The following VPS13B variants were observed in gnomAD, a reference collection of about 807,000 sequenced individuals.
VPS13B encodes intermembrane lipid transfer protein VPS13B.
A neutral mutation model predicts 426.4 loss-of-function variants in VPS13B; 285 were observed. That is an observed-to-expected ratio of 0.67 (90% CI 0.61 to 0.74). The LOEUF is 0.74. Among genes scored for constraint, VPS13B ranks in the 30% least tolerant of loss-of-function variants. The pLI is 0.00. For synonymous variants in VPS13B, 1,676 were observed against 1,676.4 expected (o/e 1.00, Z 0.01); for missense variants, 4,537 against 4,782.6 (o/e 0.95, Z 1.51).
chr8:99,511,428 C>G lies in VPS13B; in HGVS notation c.4549C>G (p.Arg1517Gly). ...QPMRTHTLTSRNLPLIYVNTS... is the reference protein window; with the variant it reads ...QPMRTHTLTSGNLPLIYVNTS... ...CATGAGGACCCATACACTGACATCC[C>G]GCAATTTACCTTTGATTTATGTCAA... The change falls in exon 29 of 62, where the codon CGC becomes GGC. Residue 1517 changes from arginine to glycine, a missense_variant. Transcript: ENST00000357162. 1 of 1,613,284 alleles carries G rather than the reference C, an allele frequency of 6.2e-7. No individual in the cohort carries two copies. Among genetic ancestry groups the G allele is most frequent in the Middle Eastern group, 1.7e-4 (1 of 6,060 alleles).
chr8:99,540,034 TATATATATATATATATATATATATA>T lies in VPS13B; in HGVS notation c.4746-16415_4746-16391del, dbSNP rs1563784900. ...TAAATTATATATATATATATATATA[TATATATATATATATATATATATATA>T]TATATTTTTTTTTTTTTTTTTTTTT... On this transcript the variant is annotated intron_variant, in intron 30 of 61. Coordinates refer to ENST00000357162, the MANE Select transcript of VPS13B (RefSeq NM_152564.5). Among the ~76,000 whole-genome samples the T allele has an allele frequency of 4.6e-3, 17 of 3,672 alleles. 2 individuals carry two copies. Among genetic ancestry groups the T allele is most frequent in the African/African-American group, 7.5e-3 (7 of 934 alleles). 2.4% of individuals were successfully genotyped at this position (3,672 alleles called of 152,430 possible).
At chr8:99,556,757 T>C (rs778674311) in intron 31 of VPS13B, 104 bp downstream of exon 31, 8 of 1,232,756 alleles carry the variant, frequency 6.5e-6, no homozygotes, top group Non-Finnish European at 8.1e-6. Context: ...TATTTTGGTA[T>C]TGCTTCTGCT....
At chr8:99,431,169 A>G (rs1704335174) in intron 21 of VPS13B, among the ~76,000 whole-genome samples, 2 of 152,178 alleles carry the variant, frequency 1.3e-5, no homozygotes, top group Admixed American at 1.3e-4. Flanking sequence ...GATTTTATTG[A>G]TGTATTGCCT....
At chr8:99,814,764 G>T (rs1813922551) in intron 44 of VPS13B, among the ~76,000 whole-genome samples, 1 of 152,162 alleles carries the variant, frequency 6.6e-6, no homozygotes, top group Non-Finnish European at 1.5e-5. Context: ...TCAAGTGAGG[G>T]TTTTTAACAA....
chr8:99,318,651 C>T (rs1238313196), intron 19 of VPS13B, among the ~76,000 whole-genome samples: 4 of 152,096 alleles, frequency 2.6e-5, no homozygotes, highest in African/African-American at 9.7e-5. Flanking sequence ...TCCTGAATAG[C>T]TGGGACTACA....
At chr8:99,021,997 G>T (rs181877224) in intron 2 of VPS13B, among the ~76,000 whole-genome samples, 2 of 152,058 alleles carry the variant, frequency 1.3e-5, no homozygotes, top group African/African-American at 4.8e-5. Context: ...TCTGATGCTC[G>T]TAATTTGTAT....
At chr8:99,208,156 AAG>A (rs1814841056) in intron 17 of VPS13B, among the ~76,000 whole-genome samples, 1 of 152,178 alleles carries the variant, frequency 6.6e-6, no homozygotes, top group Non-Finnish European at 1.5e-5. Context: ...GTTGGAGCAA[AAG>A]AGAGAGTTGG....
chr8:99,025,265 C>T (rs1842078825), intron 2 of VPS13B, among the ~76,000 whole-genome samples: 1 of 151,990 alleles, frequency 6.6e-6, no homozygotes, highest in East Asian at 1.9e-4. Flanking sequence ...ATTTTGATCC[C>T]TGTTTCAAAA....
chr8:99,527,768 C>T (rs190551944), intron 30 of VPS13B: 21 of 152,040 alleles, frequency 1.4e-4, no homozygotes, highest in Admixed American at 4.6e-4. Context: ...TATAAACAAA[C>T]GAGATGAAAA....
intron 25 of VPS13B, among the ~76,000 whole-genome samples, chr8:99,495,710 CTTG>C (rs2133593265): frequency 6.6e-6 from 1 of 152,306 alleles, no homozygotes; most frequent in African/African-American, 2.4e-5. Flanking sequence ...CTTAAACCTA[CTTG>C]CACTTTAGAG....
chr8:99,414,235 C>T (rs966334234), intron 21 of VPS13B, among the ~76,000 whole-genome samples: 3 of 146,382 alleles, frequency 2.0e-5, no homozygotes, highest in African/African-American at 7.6e-5. Flanking sequence ...GATTGCAACC[C>T]CTGCTTTTTT....
At chr8:99,319,195 T>A (rs972856736) in intron 19 of VPS13B, among the ~76,000 whole-genome samples, 2 of 152,186 alleles carry the variant, frequency 1.3e-5, no homozygotes, top group Non-Finnish European at 2.9e-5. Context: ...GCCTGCCACA[T>A]GTATTGTACC....
chr8:99,697,500 C>T (rs764516339), intron 35 of VPS13B: 47 of 739,048 alleles, frequency 6.4e-5, no homozygotes, highest in Middle Eastern at 7.6e-4. Flanking sequence ...GAGCAGAAGT[C>T]GCTCACCAAA....
In VPS13B at chr8:99,418,528, C is replaced by CTT. The variant is rs1563719115; in HGVS notation, c.3083-13008_3083-13007insTT. The stretch of plus-strand genomic sequence containing the variant: ...CTTTCTTTCTTTCCTTTCTTTCTTT[C>CTT]TCTTTCTTTTCTTTTCTTTTCTTTT... On this transcript the variant is annotated intron_variant, in intron 21 of 61. Transcript: ENST00000357162. 8.8e-3 allele frequency among the ~76,000 whole-genome samples: 852 copies of CTT among 96,360 alleles called. 4 individuals carry two copies. Among genetic ancestry groups the CTT allele is most frequent in the African/African-American group, 0.017 (426 of 24,374 alleles). The allele number at this position is 96,360 out of a possible 152,430, so 63.2% of individuals were successfully genotyped here.
intron 21 of VPS13B, among the ~76,000 whole-genome samples, chr8:99,416,625 C>G (rs1327234994): frequency 6.6e-6 from 1 of 152,288 alleles, no homozygotes; most frequent in African/African-American, 2.4e-5. Flanking sequence ...CAGAGTACAC[C>G]GTTCCTCATG....
intron 33 of VPS13B, among the ~76,000 whole-genome samples, chr8:99,602,563 T>C (rs2133859805): frequency 6.6e-6 from 1 of 152,124 alleles, no homozygotes; most frequent in South Asian, 2.1e-4. Context: ...AAATAAAGGG[T>C]GTTCAAAGAG....
At chr8:99,507,286 T>G in intron 28 of VPS13B, 83 bp downstream of exon 28, 1 of 1,391,744 alleles carries the variant, frequency 7.2e-7, no homozygotes, top group South Asian at 1.2e-5. Flanking sequence ...GGACTAATGG[T>G]TACAAGAATT....
intron 32 of VPS13B, 43 bp from the exon 33 acceptor site, chr8:99,577,447 G>C: frequency 1.9e-6 from 3 of 1,610,896 alleles, no homozygotes; most frequent in Non-Finnish European, 2.5e-6. Context: ...TCATCTGAAA[G>C]CTATCATGTT....
Position 99,661,027 on chromosome 8 carries a change from T to A in VPS13B, c.5909-327T>A, listed in dbSNP as rs117526235. 0.034 allele frequency among the ~76,000 whole-genome samples: 5,133 copies of A among 152,246 alleles called. 130 individuals carry two copies. Among genetic ancestry groups the A allele is most frequent in the Non-Finnish European group, 0.05 (3,367 of 67,976 alleles). On this transcript the variant is annotated intron_variant, in intron 34 of 61. Transcript: ENST00000357162. ...TTTCTTTGTTTTTAATATCACATTTTAAAAAATATCCAACCATTAAACTGT... is the reference window on the plus strand; with the variant it reads ...TTTCTTTGTTTTTAATATCACATTTAAAAAAATATCCAACCATTAAACTGT...
Sources: gnomAD v4.1 joint callset for allele counts (sites outside exome capture counted in the v4.1 genomes callset) on GRCh38, gnomAD v4.1.1 for gene constraint, MANE v1.5 for transcripts, NCBI Gene and HGNC (gene_info 2026-07-23, HGNC 2026-07-21) for gene names.